The following APTX variants were observed in gnomAD, a reference collection of about 807,000 sequenced individuals.
APTX encodes forkhead-associated domain histidine triad-like protein.
APTX carries 33 observed loss-of-function variants against 42.3 expected under a neutral mutation model. The observed-to-expected ratio is 0.78, with a 90% CI of 0.59 to 1.04. The LOEUF (loss-of-function observed/expected upper bound fraction) is 1.04. Ranked by LOEUF, APTX falls within the 50% of genes least tolerant of loss-of-function variation. The probability of loss-of-function intolerance (pLI) is 0.00; values close to 1 mark genes in which losing one functional copy is unlikely to be tolerated. For missense variants in APTX, 421 were observed against 415.1 expected (o/e 1.01, Z -0.12); for synonymous variants, 130 against 146.7 (o/e 0.89, Z 0.82).
intron 1 of APTX, chr9:33,024,799 C>T (rs1421582354): frequency 6.7e-6 from 1 of 148,180 alleles, no homozygotes; most frequent in African/African-American, 2.5e-5. Flanking sequence ...GGGGACTAGA[C>T]CCACCTGGCT....
At chr9:32,992,299 C>T (rs1030622379) in intron 1 of APTX, among the ~76,000 whole-genome samples, 3 of 152,274 alleles carry the variant, frequency 2.0e-5, no homozygotes, top group South Asian at 4.2e-4. Flanking sequence ...CAATGCAAGG[C>T]AAAGTGAGCA....
intron 1 of APTX, among the ~76,000 whole-genome samples, chr9:32,992,975 A>T (rs1448485298): frequency 6.6e-6 from 1 of 152,228 alleles, no homozygotes; most frequent in Non-Finnish European, 1.5e-5. Context: ...CACTTGCTGG[A>T]AACAGATGAA....
At chr9:32,977,088 T>A (rs138745779) in intron 6 of APTX, among the ~76,000 whole-genome samples, 1 of 152,350 alleles carries the variant, frequency 6.6e-6, no homozygotes, top group African/African-American at 2.4e-5. Flanking sequence ...GAATTTCTAC[T>A]GCACATGTTT....
At chr9:33,008,425 G>A (rs1443184906) in intron 1 of APTX, among the ~76,000 whole-genome samples, 2 of 151,624 alleles carry the variant, frequency 1.3e-5, no homozygotes, top group Non-Finnish European at 2.9e-5. Flanking sequence ...TTTTAAATTA[G>A]AGACAGGGTC....
intron 1 of APTX, among the ~76,000 whole-genome samples, chr9:33,013,615 G>C (rs1447897975): frequency 1.3e-5 from 2 of 152,110 alleles, no homozygotes; most frequent in African/African-American, 4.8e-5. Flanking sequence ...GACCATCCTG[G>C]CTAACACGGT....
At chr9:33,008,311 G>C (rs984480180) in intron 1 of APTX, among the ~76,000 whole-genome samples, 3 of 151,626 alleles carry the variant, frequency 2.0e-5, no homozygotes, top group African/African-American at 7.3e-5. Context: ...AATATTTTTA[G>C]ATTTTTTTTG....
chr9:33,004,341 T>C (rs1537254), upstream of APTX, among the ~76,000 whole-genome samples: 37,050 of 152,128 alleles, frequency 0.24, 4,647 homozygotes, highest in Middle Eastern at 0.3. Context: ...ACTCGGGTGA[T>C]AGGTACACTA....
rs1422565778 is a variant in APTX at position 32,972,746 on chromosome 9, T to A, written c.*752A>T. 1 of 453,986 alleles carries A rather than the reference T, an allele frequency of 2.2e-6. No individual in the cohort carries two copies. Among genetic ancestry groups the A allele is most frequent in the Non-Finnish European group, 4.4e-6 (1 of 226,804 alleles). The allele number at this position is 453,986 out of a possible 1,614,324, so 28.1% of individuals were successfully genotyped here. A position where few individuals can be genotyped will look rare whatever the true frequency, so the allele number is the denominator to read the frequency against. On this transcript the variant is annotated 3_prime_UTR_variant, in exon 8 of 8. Coordinates refer to ENST00000379817, the MANE Select transcript of APTX (RefSeq NM_001195248.2). ...TAGCTGAACTTCAATAGTTTCCACC[T>A]ACTTAAGAGAGATGCCTCAAACAAA... is the stretch of plus-strand genomic sequence containing the variant.
At chr9:32,998,753 G>A (rs1231945496) in intron 1 of APTX, among the ~76,000 whole-genome samples, 4 of 152,192 alleles carry the variant, frequency 2.6e-5, no homozygotes, top group African/African-American at 9.6e-5. Flanking sequence ...ATAGCATTAG[G>A]AGAAATACCT....
chr9:32,985,532 C>T (rs1587444257), intron 5 of APTX, among the ~76,000 whole-genome samples: 1 of 151,978 alleles, frequency 6.6e-6, no homozygotes, highest in Admixed American at 6.6e-5. Flanking sequence ...GACAGGGTTT[C>T]TCCATGTTGG....
intron 1 of APTX, among the ~76,000 whole-genome samples, chr9:32,995,981 C>A (rs920507371): frequency 1.3e-5 from 2 of 151,954 alleles, no homozygotes; most frequent in Non-Finnish European, 2.9e-5. Context: ...AAGGCAAGAC[C>A]CCCCCTACAT....
rs548536577 is a variant in APTX at position 32,994,953 on chromosome 9, C to T, written c.-4-5058G>A. The stretch of plus-strand genomic sequence containing the variant: ...TATAAATGGAACAACAAAGCCTGGA[C>T]GACAGCATGACTGACTGAATATTTT... On this transcript the variant is annotated intron_variant, in intron 1 of 7. Coordinates refer to ENST00000379817, the MANE Select transcript of APTX (RefSeq NM_001195248.2). Among the ~76,000 whole-genome samples, 25 of 152,294 alleles carry T rather than the reference C, an allele frequency of 1.6e-4. No homozygotes were observed. The East Asian group carries it at 1.9e-3, about 12-fold the overall frequency.
At chr9:33,004,630 C>T (rs191652528), upstream of APTX, among the ~76,000 whole-genome samples, 16 of 125,686 alleles carry the variant, frequency 1.3e-4, no homozygotes, top group African/African-American at 3.9e-4. Context: ...CTTGCCAACC[C>T]TTTTTTTTTT....
At chr9:33,019,581 C>A in intron 1 of APTX, 1 of 361,598 alleles carries the variant, frequency 2.8e-6, no homozygotes. Flanking sequence ...GCAGTACAGG[C>A]CGACCATGAG....
chr9:33,018,434 G>T (rs1838081706), intron 1 of APTX, among the ~76,000 whole-genome samples: 1 of 150,920 alleles, frequency 6.6e-6, no homozygotes, highest in Non-Finnish European at 1.5e-5. Flanking sequence ...CAGACGTGGT[G>T]GCAGGTACCT....
chr9:33,000,457 T>C (rs1167412855), intron 1 of APTX, among the ~76,000 whole-genome samples: 2 of 151,696 alleles, frequency 1.3e-5, no homozygotes, highest in African/African-American at 4.8e-5. Context: ...TGAAACCCCA[T>C]CTCTACTAAA....
intron 5 of APTX, 52 bp downstream of exon 5, chr9:32,985,916 TGGA>T (rs1831888631): frequency 7.1e-7 from 1 of 1,410,818 alleles, no homozygotes; most frequent in South Asian, 1.2e-5. Context: ...AAGACCTCTG[TGGA>T]GTGGTCATTT....
intron 1 of APTX, among the ~76,000 whole-genome samples, chr9:33,019,245 G>A (rs1838162918): frequency 6.6e-6 from 1 of 152,126 alleles, no homozygotes; most frequent in African/African-American, 2.4e-5. Context: ...GAAGGGTGGT[G>A]AGTGGGGGTA....
intron 1 of APTX, among the ~76,000 whole-genome samples, chr9:33,014,423 G>C (rs1202175694): frequency 6.6e-6 from 1 of 152,220 alleles, no homozygotes; most frequent in African/African-American, 2.4e-5. Flanking sequence ...TAACCCAACA[G>C]TAGAATAAAT....
Sources: gnomAD v4.1 joint callset for allele counts (sites outside exome capture counted in the v4.1 genomes callset) on GRCh38, gnomAD v4.1.1 for gene constraint, MANE v1.5 for transcripts, NCBI Gene and HGNC (gene_info 2026-07-23, HGNC 2026-07-21) for gene names.